The following FHAD1 variants were observed in gnomAD, a reference collection of about 807,000 sequenced individuals.
FHAD1 encodes the protein forkhead associated phosphopeptide binding domain 1, also known as forkhead-associated domain-containing protein 1.
A neutral mutation model predicts 191.3 loss-of-function variants in FHAD1; 146 were observed. The ratio of observed to expected loss-of-function variants is 0.76; its 90% CI spans 0.67 to 0.88. The LOEUF (loss-of-function observed/expected upper bound fraction) is 0.88, where lower values mean the gene tolerates loss of function less well. FHAD1 is among the 40% of genes least tolerant of loss of function. The pLI, the probability that FHAD1 is intolerant of heterozygous loss-of-function variation, is 0.00. For synonymous variants in FHAD1, 616 were observed against 672.3 expected (o/e 0.92, Z 1.29); for missense variants, 1,635 against 1,785.8 (o/e 0.92, Z 1.52).
chr1:15,256,381 G>A (rs756671049), intron 2 of FHAD1, among the ~76,000 whole-genome samples: 1 of 152,088 alleles, frequency 6.6e-6, no homozygotes, highest in Non-Finnish European at 1.5e-5. Context: ...AGCCAGGCAC[G>A]GTGGCTCACG....
chr1:15,396,720 G>C (rs994868581), intron 33 of FHAD1, among the ~76,000 whole-genome samples: 3 of 152,014 alleles, frequency 2.0e-5, no homozygotes, highest in African/African-American at 7.2e-5. Flanking sequence ...TGAGGCAGGA[G>C]AATCACTTGA....
At position 15,313,141 on chromosome 1, in the gene FHAD1, G is replaced by T. The variant is rs1221204216; in HGVS notation, c.1124G>T (p.Ser375Ile). Residue 375 changes from serine to isoleucine, a missense_variant, in exon 8 of 34, where the codon AGT becomes ATT. Physicochemically the swap from Ser to Ile is moderately radical, Grantham distance 142 (BLOSUM62 -2). Transcript: ENST00000688493. ...AAGGAAGAGGTCAGTCACCTAAAAA[G>T]TCAGAACAAGGACAAGGACCACCAG... Reference protein sequence around the residue: ...QLKEEVSHLKSQNKDKDHQLE... With the variant: ...QLKEEVSHLKIQNKDKDHQLE... 1 of 1,551,938 alleles carries T rather than the reference G, an allele frequency of 6.4e-7. No individual in the cohort carries two copies. The highest frequency in any genetic ancestry group is 1.2e-5 in the South Asian group (1 of 84,052).
intron 3 of FHAD1, among the ~76,000 whole-genome samples, chr1:15,277,253 A>G (rs1557982977): frequency 6.6e-6 from 1 of 152,190 alleles, no homozygotes; most frequent in Admixed American, 6.5e-5. Context: ...CAACATAAAG[A>G]GTGCCCATAT....
intron 4 of FHAD1, among the ~76,000 whole-genome samples, chr1:15,290,760 C>T (rs1024345039): frequency 1.3e-5 from 2 of 150,590 alleles, no homozygotes; most frequent in African/African-American, 2.4e-5. Flanking sequence ...GGCAGGATTT[C>T]GGCAGTGGTG....
At chr1:15,301,050 G>A (rs1217639839) in intron 5 of FHAD1, among the ~76,000 whole-genome samples, 155 bp from the exon 6 acceptor site, 2 of 151,866 alleles carry the variant, frequency 1.3e-5, no homozygotes, top group African/African-American at 2.4e-5. Context: ...GGCTGGTCTC[G>A]AACTCCTGAC....
At chr1:15,251,026 C>T (rs1411661533) in intron 1 of FHAD1, among the ~76,000 whole-genome samples, 2 of 151,834 alleles carry the variant, frequency 1.3e-5, no homozygotes, top group Non-Finnish European at 2.9e-5. Context: ...TGTGGTGGCT[C>T]CTGTCTGTAA....
At chr1:15,317,958 G>T (rs1298711439) in intron 10 of FHAD1, 30 bp downstream of exon 10, 14 of 1,394,524 alleles carry the variant, frequency 1.0e-5, no homozygotes, top group Non-Finnish European at 1.3e-5. Context: ...CCCAGAGAGT[G>T]GTGTGGGCGG....
intron 26 of FHAD1, 21 bp from the exon 27 acceptor site, chr1:15,374,481 C>G: frequency 4.5e-6 from 7 of 1,551,452 alleles, no homozygotes; most frequent in Non-Finnish European, 6.1e-6. Context: ...TCAAATGCTG[C>G]CCGCCCCATT....
intron 4 of FHAD1, 101 bp from the exon 5 acceptor site, chr1:15,296,583 C>A: frequency 9.2e-7 from 1 of 1,092,310 alleles, no homozygotes; most frequent in Non-Finnish European, 1.4e-6. Context: ...AAATATCAAT[C>A]TCTGGGGGGA....
At chr1:15,348,910 AG>A in intron 18 of FHAD1, 131 bp from the exon 19 acceptor site, 1 of 630,942 alleles carries the variant, frequency 1.6e-6, no homozygotes, top group Non-Finnish European at 2.7e-6. Context: ...CCAGGGGCCC[AG>A]GTGTATTTAA....
chr1:15,289,776 A>G lies in FHAD1; in HGVS notation c.568+110A>G. On this transcript the variant is annotated intron_variant, in intron 4 of 33. Coordinates refer to ENST00000688493, the MANE Select transcript of FHAD1 (RefSeq NM_001391957.1). The surrounding 1 kb of genome is among the most constrained non-coding windows in gnomAD (Gnocchi z 4.2). ...TAAAAGTAGAACATATTCAATTGTA[A>G]AAAATGAAAATAAATTCAGGATAAG... 7.1e-7 allele frequency: 1 copy of G among 1,400,208 alleles called. No homozygotes were observed. The highest frequency in any genetic ancestry group is 9.4e-7 in the Non-Finnish European group (1 of 1,063,570). 86.7% of individuals were successfully genotyped at this position (1,400,208 alleles called of 1,614,324 possible).
intron 23 of FHAD1, among the ~76,000 whole-genome samples, chr1:15,364,854 C>G (rs898000538): frequency 2.0e-5 from 3 of 152,308 alleles, no homozygotes; most frequent in Admixed American, 2.0e-4. Context: ...GGCGCCTCCC[C>G]TGCCATTCCT....
At chr1:15,282,731 T>C (rs528185998) in intron 3 of FHAD1, among the ~76,000 whole-genome samples, 21 of 152,316 alleles carry the variant, frequency 1.4e-4, no homozygotes, top group African/African-American at 3.8e-4. Flanking sequence ...TAAAACACTT[T>C]TAAATCTCAT....
Position 15,381,003 on chromosome 1 carries a change from A to ATATCTG in FHAD1, c.3801+209_3801+214dup. ...ACTGGGTGGTTAGAATGAAGTGTTT[A>ATATCTG]TATCTGTTGTCATTTTTCACCCCCG... On this transcript the variant is annotated intron_variant, in intron 29 of 33. Transcript: ENST00000688493. The surrounding 1 kb of genome is among the most constrained non-coding windows in gnomAD (Gnocchi z 4.6). Among the ~76,000 whole-genome samples, 1 of 152,320 alleles carries ATATCTG rather than the reference A, an allele frequency of 6.6e-6. No homozygotes were observed. The highest frequency in any genetic ancestry group is 1.5e-5 in the Non-Finnish European group (1 of 68,016).
intron 31 of FHAD1, chr1:15,384,107 A>C: frequency 5.6e-6 from 1 of 177,740 alleles, no homozygotes; most frequent in Non-Finnish European, 1.2e-5. Context: ...GAGAGAGCCA[A>C]ACCCCCAGAG....
At position 15,251,938 on chromosome 1, in the gene FHAD1, C is replaced by G. The variant is rs527433460; in HGVS notation, c.93+61C>G. 2.1e-5 allele frequency: 29 copies of G among 1,372,804 alleles called. No individual in the cohort carries two copies. The South Asian group carries it at 3.4e-4, about 16-fold the overall frequency. 85.0% of individuals were successfully genotyped at this position (1,372,804 alleles called of 1,614,324 possible). ...TGACCCCTTCCTTCTCCCTCTCTAA[C>G]AGTCCTTAGCGTTATGTGGACTCCA... On this transcript the variant is annotated intron_variant, in intron 2 of 33. Transcript: ENST00000688493.
intron 6 of FHAD1, 137 bp downstream of exon 6, chr1:15,301,578 C>A: frequency 1.0e-5 from 7 of 690,614 alleles, no homozygotes; most frequent in Non-Finnish European, 1.7e-5. Flanking sequence ...CACAAATCCA[C>A]AAGACTGGGA....
chr1:15,353,432 C>T (rs187517338), intron 20 of FHAD1, among the ~76,000 whole-genome samples: 6 of 151,992 alleles, frequency 3.9e-5, no homozygotes, highest in African/African-American at 1.2e-4. Context: ...TGGCTGGGCG[C>T]GGTGGCTCGC....
intron 2 of FHAD1, among the ~76,000 whole-genome samples, chr1:15,254,923 AT>A (rs1211130835): frequency 6.6e-6 from 1 of 152,166 alleles, no homozygotes; most frequent in Non-Finnish European, 1.5e-5. Context: ...GCATGTCCAT[AT>A]TTTTCAGAAA....
Sources: allele counts gnomAD v4.1 joint callset (sites outside exome capture counted in the v4.1 genomes callset), GRCh38; gene constraint gnomAD v4.1.1; non-coding constraint Gnocchi (gnomAD v3.1); transcripts MANE v1.5; gene names NCBI Gene and HGNC (gene_info 2026-07-23, HGNC 2026-07-21).